The following PHLDB2 variants were observed in gnomAD, a reference collection of about 807,000 sequenced individuals.
PHLDB2 encodes pleckstrin homology-like domain family B member 2.
A neutral mutation model predicts 123.6 loss-of-function variants in PHLDB2; 71 were observed. The observed-to-expected ratio is 0.57, with a 90% CI of 0.47 to 0.70. The LOEUF (loss-of-function observed/expected upper bound fraction) is 0.70. PHLDB2 is among the 30% of genes least tolerant of loss of function. PHLDB2 has a pLI of 0.00. For synonymous variants in PHLDB2, 547 were observed against 541.6 expected (o/e 1.01, Z -0.14); for missense variants, 1,446 against 1,519.5 (o/e 0.95, Z 0.80).
chr3:111,806,194 A>C (rs2061580868), intron 1 of PHLDB2, among the ~76,000 whole-genome samples: 1 of 152,172 alleles, frequency 6.6e-6, no homozygotes, highest in Non-Finnish European at 1.5e-5. Flanking sequence ...CATATCATAA[A>C]ATTCTCCCAT....
chr3:111,924,596 A>C (rs1354323824), intron 5 of PHLDB2, among the ~76,000 whole-genome samples: 1 of 152,254 alleles, frequency 6.6e-6, no homozygotes, highest in African/African-American at 2.4e-5. Flanking sequence ...AGAAGGAGGA[A>C]GTGGCCTTTC....
chr3:111,755,120 GT>G (rs1274057712), intron 1 of PHLDB2, among the ~76,000 whole-genome samples: 1 of 150,290 alleles, frequency 6.7e-6, no homozygotes, highest in Non-Finnish European at 1.5e-5. Context: ...CTCTTTTTTG[GT>G]TGTGTCTCTG....
At chr3:111,860,653 C>CACTT (rs1398017754) in intron 1 of PHLDB2, among the ~76,000 whole-genome samples, 2 of 152,122 alleles carry the variant, frequency 1.3e-5, no homozygotes, top group African/African-American at 2.4e-5. Flanking sequence ...CGCGGTTCCT[C>CACTT]ACTTACCTTT....
chr3:111,948,739 A>G (rs774857104), intron 9 of PHLDB2, among the ~76,000 whole-genome samples, 193 bp from the exon 10 acceptor site: 1 of 152,198 alleles, frequency 6.6e-6, no homozygotes, highest in Non-Finnish European at 1.5e-5. Context: ...AATACTTAGA[A>G]TGCCAATTTT....
At chr3:111,895,063 A>C (rs1010315600) in intron 2 of PHLDB2, among the ~76,000 whole-genome samples, 2 of 152,142 alleles carry the variant, frequency 1.3e-5, no homozygotes, top group Non-Finnish European at 2.9e-5. Context: ...GTGAAAAAAA[A>C]AAAACGGTTG....
intron 13 of PHLDB2, among the ~76,000 whole-genome samples, chr3:111,965,807 G>A (rs887892481): frequency 1.2e-4 from 19 of 152,142 alleles, no homozygotes; most frequent in African/African-American, 1.7e-4. Flanking sequence ...GAATGTAAGC[G>A]GTGGAAAATA....
intron 1 of PHLDB2, among the ~76,000 whole-genome samples, chr3:111,762,047 C>A (rs951750509): frequency 6.6e-6 from 1 of 152,114 alleles, no homozygotes; most frequent in Non-Finnish European, 1.5e-5. Flanking sequence ...AAGGGATGCC[C>A]CCCCAATCCC....
intron 1 of PHLDB2, among the ~76,000 whole-genome samples, chr3:111,756,111 T>G (rs1576519413): frequency 6.6e-6 from 1 of 152,126 alleles, no homozygotes; most frequent in Non-Finnish European, 1.5e-5. Context: ...GGTGTGGTGC[T>G]GAAAAAAATG....
chr3:111,808,587 G>A (rs1245177691), intron 1 of PHLDB2, among the ~76,000 whole-genome samples: 1 of 151,922 alleles, frequency 6.6e-6, no homozygotes, highest in Non-Finnish European at 1.5e-5. Flanking sequence ...CTGGGACATG[G>A]ATGATCCTGT....
intron 1 of PHLDB2, among the ~76,000 whole-genome samples, chr3:111,879,477 A>G (rs1339748260): frequency 1.3e-5 from 2 of 152,114 alleles, no homozygotes; most frequent in East Asian, 1.9e-4. Flanking sequence ...CTTCGTCTTC[A>G]TGTTGAGTAG....
At chr3:111,886,448 CTT>C (rs34843747) in intron 2 of PHLDB2, among the ~76,000 whole-genome samples, 2 of 146,534 alleles carry the variant, frequency 1.4e-5, no homozygotes, top group African/African-American at 2.5e-5. Context: ...TTTTTTTTGC[CTT>C]TTTTTTTTTT....
rs1419030490 is a variant in PHLDB2 at position 111,805,570 on chromosome 3, G to GA, written c.-48-40243dup. Among the ~76,000 whole-genome samples the GA allele has an allele frequency of 2.7e-5, 4 of 148,792 alleles. 1 individual carries two copies. Among genetic ancestry groups the GA allele is most frequent in the East Asian group, 4.3e-4 (2 of 4,602 alleles). ...AGCAACACTCCGTCTCAAAAAAAAAGAAAAAAAATTACTGGATAAATGCAA... is the reference window on the plus strand; with the variant it reads ...AGCAACACTCCGTCTCAAAAAAAAAGAAAAAAAAATTACTGGATAAATGCAA... On this transcript the variant is annotated intron_variant, in intron 1 of 17. Coordinates refer to the PHLDB2 transcript ENST00000393923.
At chr3:111,885,514 T>C in intron 2 of PHLDB2, 102 bp downstream of exon 2, 2 of 1,448,354 alleles carry the variant, frequency 1.4e-6, no homozygotes, top group Non-Finnish European at 1.9e-6. Flanking sequence ...ATATAGGATA[T>C]TCATGTTCAC....
Position 111,884,934 on chromosome 3 carries a change from T to G in PHLDB2, c.857T>G (p.Leu286Arg). 1 of 1,613,980 alleles carries G rather than the reference T, an allele frequency of 6.2e-7. No individual in the cohort carries two copies. The highest frequency in any genetic ancestry group is 8.5e-7 in the Non-Finnish European group (1 of 1,179,984). The stretch of plus-strand genomic sequence containing the variant: ...CTGGGCAATTCCAAACGAACAAAAC[T>G]TGGGGAAAAGGATCTACCTCATAGC... ...NSLGNSKRTKLGEKDLPHSVI... is the reference protein window; with the variant it reads ...NSLGNSKRTKRGEKDLPHSVI... Residue 286 changes from leucine (L) to arginine (R), a missense_variant, in exon 2 of 18, where the codon CTT (leucine) becomes CGT (arginine). Leu to Arg is a moderately radical substitution (Grantham distance 102). Around this residue, in one of 3 missense-constraint regions of PHLDB2, gnomAD observed 832 missense variants for 831.9 expected, o/e 1.00. Transcript: ENST00000431670.
intron 1 of PHLDB2, among the ~76,000 whole-genome samples, chr3:111,782,743 T>G (rs1450920062): frequency 6.6e-6 from 1 of 152,054 alleles, no homozygotes; most frequent in East Asian, 1.9e-4. Context: ...AACAATAAAT[T>G]CCATGAAGGC....
rs2060387155 is a variant in PHLDB2 at position 111,780,347 on chromosome 3, A to AAGG, written c.-49+47646_-49+47647insGAG. ...GAAGAAGAAGAAGAAGAAGAAGAAGAAGAAGAAGAAGAAGAAGAAGAAGAA... is the reference window on the plus strand; with the variant it reads ...GAAGAAGAAGAAGAAGAAGAAGAAGAAGGAGAAGAAGAAGAAGAAGAAGAAGAA... On this transcript the variant is annotated intron_variant, in intron 1 of 17. Coordinates refer to the PHLDB2 transcript ENST00000393923. 9.9e-5 allele frequency among the ~76,000 whole-genome samples: 2 copies of AAGG among 20,134 alleles called. 1 individual carries two copies. The highest frequency in any genetic ancestry group is 1.5e-4 in the African/African-American group (2 of 13,274). 13.2% of individuals were successfully genotyped at this position (20,134 alleles called of 152,430 possible).
In PHLDB2 at chr3:111,749,145, A is replaced by G. The variant is rs117973352; in HGVS notation, c.-49+16442A>G. ...AGAATAAAAATAAAAAATAAAACAG[A>G]GAACCATTTTGAGGATAAGTTCAAA... On this transcript the variant is annotated intron_variant, in intron 1 of 17. Coordinates refer to the PHLDB2 transcript ENST00000393923. Among the ~76,000 whole-genome samples the G allele has an allele frequency of 8.5e-5, 13 of 152,150 alleles. 1 individual carries two copies. In the East Asian group the frequency reaches 2.5e-3, roughly 29 times the overall value.
chr3:111,967,865 CT>C, intron 15 of PHLDB2, 41 bp downstream of exon 15: 2 of 1,535,860 alleles, frequency 1.3e-6, no homozygotes, highest in Non-Finnish European at 1.8e-6. Flanking sequence ...AGGTTGCCCC[CT>C]GGTGGCAGTT....
chr3:111,777,046 G>A (rs1262031049), intron 1 of PHLDB2, among the ~76,000 whole-genome samples: 1 of 136,772 alleles, frequency 7.3e-6, no homozygotes, highest in South Asian at 2.1e-4. Context: ...GCCAGTTACA[G>A]GCAATGACAC....
Sources: allele counts gnomAD v4.1 joint callset (sites outside exome capture counted in the v4.1 genomes callset), GRCh38; gene constraint gnomAD v4.1.1; regional missense constraint gnomAD v4.1.1; transcripts MANE v1.5; gene names NCBI Gene and HGNC (gene_info 2026-07-23, HGNC 2026-07-21).